TTI2: variants seen among roughly 807,000 people sequenced by gnomAD.
The protein encoded by TTI2 is TELO2 interacting protein 2.
TTI2 carries 26 observed loss-of-function variants against 44.9 expected under a neutral mutation model. The ratio of observed to expected loss-of-function variants is 0.58; its 90% CI spans 0.42 to 0.80. The LOEUF (loss-of-function observed/expected upper bound fraction) is 0.80. Ranked by LOEUF, TTI2 falls within the 30% of genes least tolerant of loss-of-function variation. TTI2 has a pLI of 0.00. For synonymous variants in TTI2, 254 were observed against 250.9 expected, an observed-to-expected ratio of 1.01 and a Z score of -0.12; for missense variants, 582 against 611.6, an observed-to-expected ratio of 0.95 and a Z score of 0.51.
rs747052980 is a variant in TTI2 at position 33,503,786 on chromosome 8, G to A, written c.1077C>T (p.Arg359=). 1 of 1,614,012 alleles carries A rather than the reference G, an allele frequency of 6.2e-7. No individual in the cohort carries two copies. ...CCGGCAGGTTTCTTGCGTAGGTCCT[G>A]CGTAAAAGAAGGCGGTGCTCTGGCT... ...HMEPEHRLLL[R]RTYARNLPAF... The change falls in exon 5 of 8, where the codon CGC becomes CGT. Residue 359 remains arginine (R), a synonymous_variant. Transcript: ENST00000431156.
chr8:33,504,288 C>CCTTTT (rs1563352474), intron 4 of TTI2, among the ~76,000 whole-genome samples: 9 of 55,778 alleles, frequency 1.6e-4, no homozygotes, highest in South Asian at 4.4e-4. Flanking sequence ...GATATTTACA[C>CCTTTT]ATTTTTTTTT....
At chr8:33,500,783 G>A (rs1156286281) in intron 6 of TTI2, 3 of 316,870 alleles carry the variant, frequency 9.5e-6, no homozygotes, top group South Asian at 7.4e-5. Flanking sequence ...GGCTGAGAAG[G>A]GGAAACCAGG....
Position 33,503,846 on chromosome 8 carries a change from A to C in TTI2, c.1017T>G (p.Cys339Trp). The part of the protein sequence containing the change: ...KGDGARPTTH[C>W]DEVLRLILTH... ...TCAGGATCAGCCGCAGGACCTCATC[A>C]CAATGGGTGGTGGGTCGAGCTCCAT... is the stretch of plus-strand genomic sequence containing the variant. Residue 339 changes from cysteine to tryptophan, a missense_variant, in exon 5 of 8, where the codon TGT becomes TGG. Physicochemically the swap from Cys to Trp is radical, Grantham distance 215. Coordinates refer to ENST00000431156, the MANE Select transcript of TTI2 (RefSeq NM_001102401.4). 9.3e-6 allele frequency: 15 copies of C among 1,614,172 alleles called. No individual in the cohort carries two copies. The highest frequency in any genetic ancestry group is 1.3e-5 in the Non-Finnish European group (15 of 1,180,034).
chr8:33,503,497 T>C lies in TTI2; in HGVS notation c.1191A>G (p.Gly397=), dbSNP rs1182607974. The C allele has an allele frequency of 6.2e-7, 1 of 1,614,128 alleles. No homozygotes were observed. The change falls in exon 6 of 8, where the codon GGA becomes GGG. Residue 397 remains glycine, a synonymous_variant. Coordinates refer to ENST00000431156, the MANE Select transcript of TTI2 (RefSeq NM_001102401.4). ...VIIGYLEVYD[G]PEEEARLKIL... is the part of the protein sequence containing the mutation. ...TCTTCAGTCTAGCTTCCTCCTCAGG[T>C]CCATCATAAACCTCCAGATAACCAA...
At position 33,503,454 on chromosome 8, in the gene TTI2, G is replaced by C. The variant is rs1312455206; in HGVS notation, c.1234C>G (p.Leu412Val). The change falls in exon 6 of 8, where the codon CTT (leucine) becomes GTT (valine). Residue 412 changes from leucine (L) to valine (V), a missense_variant. By Grantham distance (32) the Leu-to-Val change is conservative. Transcript: ENST00000431156. ...ARLKILETLK[L>V]LMQHTWPRVS... Reference sequence around the variant, plus strand: ...CTGGGCCAAGTATGTTGCATGAGAAGTTTTAGGGTTTCCAATATCTTCAGT... The same window carrying C: ...CTGGGCCAAGTATGTTGCATGAGAACTTTTAGGGTTTCCAATATCTTCAGT... 1.9e-6 allele frequency: 3 copies of C among 1,614,152 alleles called. No homozygotes were observed. In the South Asian group the frequency reaches 3.3e-5, roughly 18 times the overall value.
At position 33,512,696 on chromosome 8, in the gene TTI2, C is replaced by T. The variant is rs1210281139; in HGVS notation, c.-83G>A. On this transcript the variant is annotated 5_prime_UTR_variant, in exon 2 of 8. Coordinates refer to ENST00000431156, the MANE Select transcript of TTI2 (RefSeq NM_001102401.4). ...AGGGATCCGTTGAAGAGGGAAGGAG[C>T]GATCACCCAAAGAGAACTAAAATCA... The T allele has an allele frequency of 3.4e-6, 5 of 1,488,124 alleles. No homozygotes were observed. The highest frequency in any genetic ancestry group is 1.2e-5 in the South Asian group (1 of 86,566). 92.2% of individuals were successfully genotyped at this position (1,488,124 alleles called of 1,614,324 possible). A position where few individuals can be genotyped will look rare whatever the true frequency, so the allele number is the denominator to read the frequency against.
intron 2 of TTI2, among the ~76,000 whole-genome samples, chr8:33,511,158 T>TC (rs1809514206): frequency 6.6e-6 from 1 of 152,122 alleles, no homozygotes; most frequent in Admixed American, 6.6e-5. Context: ...TTCTACTGCC[T>TC]CAGCCTCCCG....
intron 7 of TTI2, 73 bp downstream of exon 7, chr8:33,500,255 A>G (rs1399173762): frequency 6.3e-7 from 1 of 1,579,788 alleles, no homozygotes; most frequent in East Asian, 2.2e-5. Context: ...CATACATAGT[A>G]AATTATAATC....
At chr8:33,504,060 T>A in intron 4 of TTI2, 125 bp from the exon 5 acceptor site, 4 of 954,098 alleles carry the variant, frequency 4.2e-6, no homozygotes, top group Non-Finnish European at 6.5e-6. Flanking sequence ...TCTAAGATAC[T>A]AGTAATCATA....
At chr8:33,506,642 C>T (rs1296070398) in intron 4 of TTI2, among the ~76,000 whole-genome samples, 4 of 150,154 alleles carry the variant, frequency 2.7e-5, no homozygotes, top group East Asian at 2.0e-4. Flanking sequence ...CCGCCCGCCT[C>T]GGCCTCCCAA....
chr8:33,512,877 T>TAAA lies in TTI2; in HGVS notation c.-99-168_-99-166dup, dbSNP rs61291473. 47 of 93,196 alleles carry TAAA rather than the reference T, an allele frequency of 5.0e-4. 1 individual carries two copies. Among genetic ancestry groups the TAAA allele is most frequent in the South Asian group, 1.7e-3 (8 of 4,642 alleles). The allele number at this position is 93,196 out of a possible 1,614,324, so 5.8% of individuals were successfully genotyped here. A position where few individuals can be genotyped will look rare whatever the true frequency, so the allele number is the denominator to read the frequency against. On this transcript the variant is annotated intron_variant, in intron 1 of 7. Transcript: ENST00000431156. The stretch of plus-strand genomic sequence containing the variant: ...GCGACAGAGTGAGACTCCGTCTCAG[T>TAAA]AAAAAAAAAAAAAAAAAAAAGAATA...
chr8:33,512,823 C>G, intron 1 of TTI2, 111 bp from the exon 2 acceptor site: 1 of 477,620 alleles, frequency 2.1e-6, no homozygotes, highest in Non-Finnish European at 3.7e-6. Flanking sequence ...TGCAGTGAGC[C>G]GAGATCGCGC....
intron 6 of TTI2, 30 bp downstream of exon 6, chr8:33,503,399 C>T (rs1209634790): frequency 3.7e-6 from 6 of 1,613,856 alleles, no homozygotes; most frequent in Non-Finnish European, 5.1e-6. Flanking sequence ...AGAAAATCGG[C>T]TGAGTTTTGC....
At chr8:33,503,149 CAAAA>C (rs1201267188) in intron 6 of TTI2, among the ~76,000 whole-genome samples, 1 of 129,456 alleles carries the variant, frequency 7.7e-6, no homozygotes, top group Non-Finnish European at 1.6e-5. Flanking sequence ...AAAAAAAAAA[CAAAA>C]AAGATATACT....
At position 33,498,908 on chromosome 8, in the gene TTI2, G is replaced by A; in HGVS notation, c.*265C>T. ...TGAGTTCTTGAATCTGGGATGAGATGACGGATGTAAATATTTCTAAATTTT... is the reference window on the plus strand; with the variant it reads ...TGAGTTCTTGAATCTGGGATGAGATAACGGATGTAAATATTTCTAAATTTT... On this transcript the variant is annotated 3_prime_UTR_variant, in exon 8 of 8. Transcript: ENST00000431156. The A allele has an allele frequency of 1.7e-6, 1 of 578,664 alleles. No individual in the cohort carries two copies. Among genetic ancestry groups the A allele is most frequent in the Non-Finnish European group, 3.0e-6 (1 of 328,994 alleles). The allele number at this position is 578,664 out of a possible 1,614,324, so 35.8% of individuals were successfully genotyped here.
intron 3 of TTI2, among the ~76,000 whole-genome samples, chr8:33,508,326 C>A (rs141130886): frequency 2.0e-4 from 30 of 151,880 alleles, no homozygotes; most frequent in African/African-American, 7.0e-4. Flanking sequence ...GGGGCTGAGG[C>A]CGGGCTCACG....
At chr8:33,503,675 C>A in intron 5 of TTI2, 73 bp downstream of exon 5, 1 of 1,605,496 alleles carries the variant, frequency 6.2e-7, no homozygotes, top group Middle Eastern at 1.7e-4. Flanking sequence ...GCCAGGAGCT[C>A]GAGAGCAGCT....
chr8:33,509,132 CA>C (rs751009227), intron 3 of TTI2, among the ~76,000 whole-genome samples: 201 of 97,058 alleles, frequency 2.1e-3, no homozygotes, highest in African/African-American at 5.6e-3. Context: ...GATAATGTCT[CA>C]AAAAAAAAAA....
chr8:33,499,120 T>C lies in TTI2; in HGVS notation c.*53A>G. 2.1e-6 allele frequency: 3 copies of C among 1,432,012 alleles called. No individual in the cohort carries two copies. Among genetic ancestry groups the C allele is most frequent in the South Asian group, 2.3e-5 (2 of 87,108 alleles). The allele number at this position is 1,432,012 out of a possible 1,614,324, so 88.7% of individuals were successfully genotyped here. ...TTTTTTTCTTAAATAACTCCATTCA[T>C]ACAAATTGGGATGGGAAGAAAATCC... On this transcript the variant is annotated 3_prime_UTR_variant, in exon 8 of 8. Coordinates refer to ENST00000431156, the MANE Select transcript of TTI2 (RefSeq NM_001102401.4).
Sources: allele counts gnomAD v4.1 joint callset (sites outside exome capture counted in the v4.1 genomes callset), GRCh38; gene constraint gnomAD v4.1.1; transcripts MANE v1.5; gene names NCBI Gene and HGNC (gene_info 2026-07-23, HGNC 2026-07-21).